GPC5: variants seen among roughly 807,000 people sequenced by gnomAD.
The protein encoded by GPC5 is glypican-5.
A neutral mutation model predicts 53.9 loss-of-function variants in GPC5; 47 were observed. That is an observed-to-expected ratio of 0.87 (90% CI 0.69 to 1.11). The LOEUF (loss-of-function observed/expected upper bound fraction) is 1.11, where lower values mean the gene tolerates loss of function less well. GPC5 is among the 50% of genes most tolerant of loss of function. The pLI is 0.00. For synonymous variants in GPC5, 286 were observed against 263.3 expected, an observed-to-expected ratio of 1.09 and a Z score of -0.84; for missense variants, 748 against 713.1, an observed-to-expected ratio of 1.05 and a Z score of -0.56.
intron 4 of GPC5, among the ~76,000 whole-genome samples, chr13:91,738,598 C>T (rs1232233029): frequency 6.6e-6 from 1 of 150,740 alleles, no homozygotes; most frequent in East Asian, 1.9e-4. Context: ...AAAAATTCCT[C>T]CTTTCTTGCC....
At chr13:91,636,829 G>C (rs370572444) in intron 2 of GPC5, among the ~76,000 whole-genome samples, 2 of 152,072 alleles carry the variant, frequency 1.3e-5, no homozygotes, top group Non-Finnish European at 2.9e-5. Context: ...ATGGTGGTGC[G>C]TGCCTGTAGA....
intron 5 of GPC5, among the ~76,000 whole-genome samples, chr13:91,821,343 C>A (rs73607696): frequency 0.031 from 4,772 of 152,208 alleles, 260 homozygotes; most frequent in African/African-American, 0.11. Context: ...TGTTAAACAT[C>A]GTAATCTGTC....
At chr13:92,692,752 C>CTTTTTTTTTTTT (rs1457273874) in intron 7 of GPC5, among the ~76,000 whole-genome samples, 3 of 61,292 alleles carry the variant, frequency 4.9e-5, no homozygotes, top group Admixed American at 2.4e-4. Context: ...CCAATATCGG[C>CTTTTTTTTTTTT]TATTTTTTTT....
chr13:92,047,806 T>TA (rs35020183), intron 6 of GPC5, among the ~76,000 whole-genome samples: 43,604 of 98,558 alleles, frequency 0.44, 9,196 homozygotes, highest in Admixed American at 0.5. Context: ...CTGTCTCTAC[T>TA]AAAAAAAAAA....
rs183479821 is a variant in GPC5, at chr13:92,519,909, A to G, written c.1562-346373A>G. On this transcript the variant is annotated intron_variant, in intron 7 of 7. Transcript: ENST00000377067. ...AGACTAATAAAAAAGAAAAGAGAGAAGAATCAAATAGACGCAATAAAAAAT... is the reference window on the plus strand; with the variant it reads ...AGACTAATAAAAAAGAAAAGAGAGAGGAATCAAATAGACGCAATAAAAAAT... Among the ~76,000 whole-genome samples, 607 of 152,304 alleles carry G rather than the reference A, an allele frequency of 4.0e-3. 7 individuals carry two copies. Among genetic ancestry groups the G allele is most frequent in the African/African-American group, 0.014 (590 of 41,566 alleles).
intron 6 of GPC5, among the ~76,000 whole-genome samples, chr13:91,957,829 C>T (rs1032965467): frequency 6.6e-6 from 1 of 151,826 alleles, no homozygotes; most frequent in African/African-American, 2.4e-5. Flanking sequence ...ATGATATCTA[C>T]CATCATAAAA....
chr13:91,811,535 C>A (rs2038312319), intron 5 of GPC5, among the ~76,000 whole-genome samples: 1 of 152,092 alleles, frequency 6.6e-6, no homozygotes, highest in Non-Finnish European at 1.5e-5. Flanking sequence ...AATTTTTTAA[C>A]AGGTATAAAC....
intron 6 of GPC5, among the ~76,000 whole-genome samples, chr13:91,956,128 G>A (rs537850006): frequency 6.6e-5 from 10 of 152,118 alleles, no homozygotes; most frequent in African/African-American, 2.4e-4. Flanking sequence ...ATGCAGCACT[G>A]GGGAGCCTGA....
At chr13:92,519,354 C>A (rs1196041545) in intron 7 of GPC5, among the ~76,000 whole-genome samples, 1 of 152,182 alleles carries the variant, frequency 6.6e-6, no homozygotes, top group Non-Finnish European at 1.5e-5. Context: ...CACACCTATT[C>A]CAAAATTGAC....
chr13:92,733,796 A>G, intron 7 of GPC5, among the ~76,000 whole-genome samples: 1 of 151,754 alleles, frequency 6.6e-6, no homozygotes, highest in South Asian at 2.1e-4. Context: ...GGATATTTGT[A>G]TTAGTAATTA....
chr13:92,856,357 C>A (rs762988892), intron 7 of GPC5, among the ~76,000 whole-genome samples: 21 of 151,904 alleles, frequency 1.4e-4, no homozygotes, highest in Non-Finnish European at 2.5e-4. Flanking sequence ...TAAAGAAGAG[C>A]CGTCTATGAC....
intron 7 of GPC5, among the ~76,000 whole-genome samples, chr13:92,703,410 G>GAAAT (rs1009876272): frequency 7.1e-4 from 108 of 151,518 alleles, no homozygotes; most frequent in African/African-American, 2.6e-3. Context: ...ACTTTATTTA[G>GAAAT]AAATAGGGAG....
chr13:92,825,350 G>A (rs563290431), intron 7 of GPC5, among the ~76,000 whole-genome samples: 2 of 152,178 alleles, frequency 1.3e-5, no homozygotes, highest in Non-Finnish European at 2.9e-5. Context: ...AGAGTTTGAA[G>A]TCAATGCAAA....
chr13:92,794,197 G>A (rs961873759), intron 7 of GPC5, among the ~76,000 whole-genome samples: 1 of 152,116 alleles, frequency 6.6e-6, no homozygotes, highest in African/African-American at 2.4e-5. Flanking sequence ...TATCAAGTCG[G>A]TTTCATCCCT....
At chr13:92,605,588 T>TTA (rs1884223961) in intron 7 of GPC5, among the ~76,000 whole-genome samples, 1 of 149,510 alleles carries the variant, frequency 6.7e-6, no homozygotes, top group Non-Finnish European at 1.5e-5. Flanking sequence ...TTTTTTTTTT[T>TTA]TTTTATTTTT....
intron 2 of GPC5, among the ~76,000 whole-genome samples, chr13:91,471,316 A>G (rs1285897313): frequency 1.3e-5 from 2 of 151,622 alleles, no homozygotes; most frequent in Non-Finnish European, 2.9e-5. Flanking sequence ...ATTTGGAGAT[A>G]ATGTTTCTCT....
At chr13:92,005,710 C>A (rs1189789213) in intron 6 of GPC5, among the ~76,000 whole-genome samples, 3 of 152,184 alleles carry the variant, frequency 2.0e-5, no homozygotes, top group African/African-American at 7.2e-5. Flanking sequence ...TGCTATATCT[C>A]CCTGCACCCA....
At position 92,300,818 on chromosome 13, in the gene GPC5, G is replaced by A. The variant is rs112835452; in HGVS notation, c.1561+155829G>A. Among the ~76,000 whole-genome samples, 789 of 152,278 alleles carry A rather than the reference G, an allele frequency of 5.2e-3. 5 individuals are homozygous for A. Among genetic ancestry groups the A allele is most frequent in the Non-Finnish European group, 9.2e-3 (623 of 68,018 alleles). On this transcript the variant is annotated intron_variant, in intron 7 of 7. Transcript: ENST00000377067. ...ACAGCCAACAACTTATCTTCCTTAG[G>A]AAGTGATGTAGGGATGCAAAATGTG...
intron 7 of GPC5, among the ~76,000 whole-genome samples, chr13:92,376,275 A>G (rs9523648): frequency 0.54 from 81,721 of 151,954 alleles, 22,135 homozygotes; most frequent in East Asian, 0.55. Flanking sequence ...GATTTAGTTG[A>G]GATTTATGAG....
Sources: gnomAD v4.1 joint callset for allele counts (sites outside exome capture counted in the v4.1 genomes callset) on GRCh38, gnomAD v4.1.1 for gene constraint, MANE v1.5 for transcripts, NCBI Gene and HGNC (gene_info 2026-07-23, HGNC 2026-07-21) for gene names.